The following ARHGAP10 variants were observed in gnomAD, a reference collection of about 807,000 sequenced individuals.
The protein encoded by ARHGAP10 is Rho GTPase activating protein 10.
In ARHGAP10, 87 loss-of-function variants were observed where a neutral mutation model predicts 108.6. That is an observed-to-expected ratio of 0.80 (90% CI 0.67 to 0.96). The LOEUF is 0.96. ARHGAP10 is among the 40% of genes least tolerant of loss of function. The pLI is 0.00. For synonymous variants in ARHGAP10, 347 were observed against 341.1 expected, an observed-to-expected ratio of 1.02 and a Z score of -0.19; for missense variants, 939 against 954.5, an observed-to-expected ratio of 0.98 and a Z score of 0.21.
intron 18 of ARHGAP10, among the ~76,000 whole-genome samples, chr4:148,022,847 C>A (rs574924002): frequency 9.3e-4 from 141 of 152,220 alleles, no homozygotes; most frequent in African/African-American, 2.3e-3. Flanking sequence ...TTTCTGTTTA[C>A]GTAGTTTGGA....
chr4:148,031,518 C>T (rs1728147844), intron 19 of ARHGAP10, among the ~76,000 whole-genome samples: 1 of 152,184 alleles, frequency 6.6e-6, no homozygotes, highest in African/African-American at 2.4e-5. Flanking sequence ...GGTCTGGGTT[C>T]TTAATCACTC....
At chr4:147,881,710 A>T (rs755136460) in intron 9 of ARHGAP10, 128 bp from the exon 10 acceptor site, 5 of 649,634 alleles carry the variant, frequency 7.7e-6, no homozygotes, top group Non-Finnish European at 1.3e-5. Flanking sequence ...GCCAGTTTGA[A>T]AGAGGATAGG....
chr4:147,876,840 G>A (rs1735085769), intron 8 of ARHGAP10, among the ~76,000 whole-genome samples: 1 of 152,086 alleles, frequency 6.6e-6, no homozygotes, highest in African/African-American at 2.4e-5. Flanking sequence ...CCATAAAACA[G>A]CCCTATGAAG....
At chr4:147,789,938 T>A (rs1384768686) in intron 1 of ARHGAP10, among the ~76,000 whole-genome samples, 1 of 151,948 alleles carries the variant, frequency 6.6e-6, no homozygotes, top group Non-Finnish European at 1.5e-5. Context: ...CCTTTCCTAT[T>A]AGCAATTAAG....
At chr4:147,911,783 G>C (rs573362559) in intron 12 of ARHGAP10, among the ~76,000 whole-genome samples, 1 of 152,022 alleles carries the variant, frequency 6.6e-6, no homozygotes, top group Non-Finnish European at 1.5e-5. Context: ...AAAATAGTTT[G>C]CTCTGCCATA....
At chr4:147,823,340 A>G (rs1234496254) in intron 3 of ARHGAP10, among the ~76,000 whole-genome samples, 2 of 152,194 alleles carry the variant, frequency 1.3e-5, no homozygotes, top group East Asian at 3.8e-4. Context: ...CAGCTGGGCA[A>G]TGTTAGTGCC....
chr4:147,852,220 T>A (rs966382338), intron 4 of ARHGAP10, among the ~76,000 whole-genome samples: 16 of 152,230 alleles, frequency 1.1e-4, no homozygotes, highest in Non-Finnish European at 1.9e-4. Flanking sequence ...ATGTGGCTTA[T>A]GACCTTTATG....
At position 147,864,885 on chromosome 4, in the gene ARHGAP10, G is replaced by A. The variant is rs750912894; in HGVS notation, c.526G>A (p.Glu176Lys). Residue 176 changes from glutamate to lysine, a missense_variant, in exon 6 of 23, where the codon GAA becomes AAA. Coordinates refer to ENST00000336498, the MANE Select transcript of ARHGAP10 (RefSeq NM_024605.4). ...QVEQNRQHFYELSLEYVCKLQ... is the reference protein window; with the variant it reads ...QVEQNRQHFYKLSLEYVCKLQ... ...AGAGCAGAACCGGCAACACTTCTAT[G>A]AACTGTCTCTCGAGTATGTGTGTAA... 1 of 1,614,076 alleles carries A rather than the reference G, an allele frequency of 6.2e-7. No individual in the cohort carries two copies. Among genetic ancestry groups the A allele is most frequent in the Admixed American group, 1.7e-5 (1 of 60,016 alleles).
At chr4:148,016,380 A>G (rs180815322) in intron 18 of ARHGAP10, among the ~76,000 whole-genome samples, 9 of 152,154 alleles carry the variant, frequency 5.9e-5, no homozygotes, top group African/African-American at 1.7e-4. Flanking sequence ...GCACGCGCCT[A>G]AAGTCCTAAT....
chr4:148,067,914 G>A (rs1014384853), intron 22 of ARHGAP10, among the ~76,000 whole-genome samples: 7 of 152,234 alleles, frequency 4.6e-5, no homozygotes, highest in South Asian at 2.1e-4. Context: ...AGTTCTAGGC[G>A]GAAGATGTGT....
chr4:147,998,141 G>A (rs1360075197), intron 18 of ARHGAP10, among the ~76,000 whole-genome samples: 1 of 151,990 alleles, frequency 6.6e-6, no homozygotes, highest in African/African-American at 2.4e-5. Flanking sequence ...TAATGAATTA[G>A]GAAAGAGAAA....
chr4:148,023,315 C>T lies in ARHGAP10; in HGVS notation c.1769C>T (p.Ala590Val), dbSNP rs1349904945. 1.2e-6 allele frequency: 2 copies of T among 1,614,180 alleles called. No individual in the cohort carries two copies. The highest frequency in any genetic ancestry group is 1.7e-5 in the Admixed American group (1 of 60,022). ...TTFPEPTCLS[A>V]SPPNAPPRQS... is the part of the protein sequence containing the mutation. ...TTCCCTGAGCCCACCTGCCTGTCAG[C>T]ATCACCCCCAAATGCGCCACCAAGG... Residue 590 changes from alanine (A) to valine (V), a missense_variant, in exon 19 of 23, where the codon GCA (alanine) becomes GTA (valine). Ala to Val is a moderately conservative substitution (Grantham distance 64). Transcript: ENST00000336498.
At chr4:147,791,232 C>T (rs1287317833) in intron 1 of ARHGAP10, among the ~76,000 whole-genome samples, 1 of 151,706 alleles carries the variant, frequency 6.6e-6, no homozygotes, top group East Asian at 1.9e-4. Context: ...CTGCCTCGGC[C>T]TCCTGAGTAG....
At chr4:148,026,185 TGAGTA>T (rs1200294957) in intron 19 of ARHGAP10, among the ~76,000 whole-genome samples, 1 of 152,204 alleles carries the variant, frequency 6.6e-6, no homozygotes, top group Non-Finnish European at 1.5e-5. Flanking sequence ...TCTTCTGCAC[TGAGTA>T]GAGTATGAAA....
intron 19 of ARHGAP10, among the ~76,000 whole-genome samples, chr4:148,036,261 C>A (rs1426602516): frequency 1.3e-5 from 2 of 152,036 alleles, no homozygotes; most frequent in African/African-American, 4.8e-5. Flanking sequence ...TAGATCTTAT[C>A]TGTTTGGTGC....
At chr4:147,752,734 C>T (rs113243888) in intron 1 of ARHGAP10, among the ~76,000 whole-genome samples, 5,201 of 152,196 alleles carry the variant, frequency 0.034, 305 homozygotes, top group African/African-American at 0.12. Context: ...GCCATGTTGG[C>T]CAGGCTGGTC....
chr4:147,895,113 C>T (rs554326267), intron 10 of ARHGAP10, among the ~76,000 whole-genome samples: 2 of 152,184 alleles, frequency 1.3e-5, no homozygotes, highest in East Asian at 3.9e-4. Flanking sequence ...TTTAGACTTT[C>T]CATTTATCCC....
At chr4:147,741,951 G>A (rs148054778) in intron 1 of ARHGAP10, among the ~76,000 whole-genome samples, 2,345 of 152,138 alleles carry the variant, frequency 0.015, 69 homozygotes, top group African/African-American at 0.053. Flanking sequence ...TCCTCCCTGT[G>A]TTTCCTCAGA....
chr4:148,053,477 C>T (rs1295523173), intron 20 of ARHGAP10, among the ~76,000 whole-genome samples: 1 of 152,142 alleles, frequency 6.6e-6, no homozygotes, highest in Non-Finnish European at 1.5e-5. Flanking sequence ...GGCTGAGATG[C>T]GGGCGGGAGG....
Sources: allele counts gnomAD v4.1 joint callset (sites outside exome capture counted in the v4.1 genomes callset), GRCh38; gene constraint gnomAD v4.1.1; transcripts MANE v1.5; gene names NCBI Gene and HGNC (gene_info 2026-07-23, HGNC 2026-07-21).